The following EAF2 variants were observed in gnomAD, a reference collection of about 807,000 sequenced individuals.
EAF2 encodes ELL-associated factor 2.
Under a neutral mutation model 29.4 loss-of-function variants are expected in EAF2, and 29 were observed. That is an observed-to-expected ratio of 0.99 (90% CI 0.73 to 1.35). EAF2 has a LOEUF of 1.35. EAF2 is among the 40% of genes most tolerant of loss of function. The pLI, the probability that EAF2 is intolerant of heterozygous loss-of-function variation, is 0.00. For synonymous variants in EAF2, 103 were observed against 102.5 expected (o/e 1.00, Z -0.03); for missense variants, 292 against 312.0 (o/e 0.94, Z 0.48).
intron 5 of EAF2, 35 bp from the exon 6 acceptor site, chr3:121,886,303 TTTAA>T: frequency 1.5e-6 from 2 of 1,318,056 alleles, no homozygotes; most frequent in Non-Finnish European, 1.0e-6. Context: ...ATATTAAATA[TTTAA>T]TTACTACAGT....
intron 5 of EAF2, among the ~76,000 whole-genome samples, chr3:121,886,091 G>A (rs1709278502): frequency 6.6e-6 from 1 of 152,052 alleles, no homozygotes; most frequent in Admixed American, 6.6e-5. Flanking sequence ...AAAAAAGAGT[G>A]ATGGGGATAT....
At chr3:121,852,450 A>C (rs1708649531) in intron 2 of EAF2, among the ~76,000 whole-genome samples, 1 of 152,178 alleles carries the variant, frequency 6.6e-6, no homozygotes, top group African/African-American at 2.4e-5. Context: ...AGTGCTCCAC[A>C]TCTAACCGTT....
At chr3:121,886,313 A>C (rs765800568) in intron 5 of EAF2, 29 bp from the exon 6 acceptor site, 68 of 1,395,702 alleles carry the variant, frequency 4.9e-5, no homozygotes, top group Non-Finnish European at 6.4e-5. Flanking sequence ...TTTAATTACT[A>C]CAGTTTTGTT....
chr3:121,884,802 C>T (rs750556691), intron 5 of EAF2, among the ~76,000 whole-genome samples: 17 of 152,132 alleles, frequency 1.1e-4, no homozygotes, highest in South Asian at 2.1e-4. Context: ...ATAATTTATA[C>T]GTGGCCTAAA....
intron 4 of EAF2, among the ~76,000 whole-genome samples, chr3:121,865,561 G>T (rs943765070): frequency 6.6e-6 from 1 of 152,046 alleles, no homozygotes; most frequent in Non-Finnish European, 1.5e-5. Context: ...TAAGATAGAG[G>T]CTAGGTGCAG....
At chr3:121,849,266 G>A (rs959099244) in intron 2 of EAF2, among the ~76,000 whole-genome samples, 2 of 152,102 alleles carry the variant, frequency 1.3e-5, no homozygotes, top group African/African-American at 4.8e-5. Flanking sequence ...TTGGTTCTTT[G>A]ATAGGGTAGA....
At chr3:121,885,417 T>C (rs1401061083) in intron 5 of EAF2, among the ~76,000 whole-genome samples, 1 of 152,262 alleles carries the variant, frequency 6.6e-6, no homozygotes, top group Non-Finnish European at 1.5e-5. Context: ...GCGTATTTAC[T>C]GATCTACAAC....
chr3:121,864,772 G>T (rs1219053295), intron 4 of EAF2, among the ~76,000 whole-genome samples: 1 of 152,036 alleles, frequency 6.6e-6, no homozygotes, highest in Non-Finnish European at 1.5e-5. Context: ...AGTCATGATT[G>T]TGCCACTGCA....
At chr3:121,862,619 C>T (rs1012848270) in intron 4 of EAF2, among the ~76,000 whole-genome samples, 1 of 152,188 alleles carries the variant, frequency 6.6e-6, no homozygotes, top group South Asian at 2.1e-4. Context: ...GTTCGAACAT[C>T]CTCCTTTAGC....
At chr3:121,878,296 A>G (rs1709136057) in intron 5 of EAF2, among the ~76,000 whole-genome samples, 1 of 152,136 alleles carries the variant, frequency 6.6e-6, no homozygotes, top group Non-Finnish European at 1.5e-5. Flanking sequence ...CAATATACAT[A>G]TTTATGACTT....
chr3:121,863,819 A>G (rs1708876368), intron 4 of EAF2, among the ~76,000 whole-genome samples: 1 of 152,108 alleles, frequency 6.6e-6, no homozygotes, highest in Non-Finnish European at 1.5e-5. Flanking sequence ...CTATTCAGCC[A>G]TCTTGGAACC....
At chr3:121,841,748 G>A (rs1708437183) in intron 1 of EAF2, among the ~76,000 whole-genome samples, 1 of 151,714 alleles carries the variant, frequency 6.6e-6, no homozygotes, top group South Asian at 2.1e-4. Flanking sequence ...AGTTGCTCAC[G>A]CCTGTAATCC....
In EAF2 at chr3:121,857,591, A is replaced by G. The variant is rs115717427; in HGVS notation, c.484+435A>G. On this transcript the variant is annotated intron_variant, in intron 4 of 5. Coordinates refer to ENST00000273668, the MANE Select transcript of EAF2 (RefSeq NM_018456.6). ...TACCAAGAGCATAATATTTTTTGTA[A>G]TTACGCATTTTTCTGGGTAATGATG... is the stretch of plus-strand genomic sequence containing the variant. 6.6e-3 allele frequency among the ~76,000 whole-genome samples: 998 copies of G among 152,210 alleles called. 13 individuals are homozygous for G. The highest frequency in any genetic ancestry group is 0.023 in the African/African-American group (941 of 41,554).
chr3:121,845,840 T>C (rs1053376537), intron 2 of EAF2, among the ~76,000 whole-genome samples: 1 of 152,200 alleles, frequency 6.6e-6, no homozygotes, highest in African/African-American at 2.4e-5. Context: ...TCCAGATGTA[T>C]CCAAGTAACG....
intron 2 of EAF2, among the ~76,000 whole-genome samples, chr3:121,852,723 C>T (rs1272028762): frequency 6.6e-6 from 1 of 152,120 alleles, no homozygotes; most frequent in African/African-American, 2.4e-5. Context: ...CACCACTTAG[C>T]CTTTTTAGAG....
At chr3:121,852,857 C>A (rs1234495056) in intron 2 of EAF2, among the ~76,000 whole-genome samples, 8 of 151,978 alleles carry the variant, frequency 5.3e-5, no homozygotes, top group African/African-American at 1.9e-4. Flanking sequence ...CAAACATACA[C>A]AAATAATTGT....
At chr3:121,866,609 C>G (rs150642544) in intron 4 of EAF2, among the ~76,000 whole-genome samples, 16,865 of 151,990 alleles carry the variant, frequency 0.11, 1,003 homozygotes, top group South Asian at 0.16. Flanking sequence ...CCTATAATTC[C>G]AGCTACTTGG....
chr3:121,854,869 A>G, intron 3 of EAF2, 46 bp downstream of exon 3: 1 of 1,455,918 alleles, frequency 6.9e-7, no homozygotes, highest in African/African-American at 1.5e-5. Flanking sequence ...ATAAATTTCT[A>G]AGGAAATGTC....
intron 2 of EAF2, among the ~76,000 whole-genome samples, chr3:121,848,905 T>C (rs1708580394): frequency 1.3e-5 from 2 of 151,762 alleles, no homozygotes; most frequent in African/African-American, 2.4e-5. Context: ...AAAAAGAGAA[T>C]GAAAGAGTTA....
Sources: gnomAD v4.1 joint callset for allele counts (sites outside exome capture counted in the v4.1 genomes callset) on GRCh38, gnomAD v4.1.1 for gene constraint, MANE v1.5 for transcripts, NCBI Gene and HGNC (gene_info 2026-07-23, HGNC 2026-07-21) for gene names.